The following PDILT variants were observed in gnomAD, a reference collection of about 807,000 sequenced individuals.
The protein encoded by PDILT is protein disulfide isomerase like, testis expressed, also known as protein disulfide-isomerase-like protein of the testis.
Under a neutral mutation model 53.7 loss-of-function variants are expected in PDILT, and 43 were observed. The observed-to-expected ratio is 0.80, with a 90% confidence interval of 0.63 to 1.03. The LOEUF is 1.03. Ranked by LOEUF, PDILT falls within the 50% of genes least tolerant of loss-of-function variation. PDILT has a pLI of 0.00. For missense variants in PDILT, 727 were observed against 712.3 expected (o/e 1.02, Z -0.24); for synonymous variants, 282 against 274.2 (o/e 1.03, Z -0.28).
intron 1 of PDILT, among the ~76,000 whole-genome samples, chr16:20,403,715 C>A (rs1415053940): frequency 6.6e-6 from 1 of 152,096 alleles, no homozygotes; most frequent in African/African-American, 2.4e-5. Flanking sequence ...CGCACACCAG[C>A]CAAACTGTTC....
intron 9 of PDILT, among the ~76,000 whole-genome samples, chr16:20,364,512 C>T (rs1966161221): frequency 6.6e-6 from 1 of 152,214 alleles, no homozygotes; most frequent in Non-Finnish European, 1.5e-5. Context: ...AACCACCATA[C>T]CTTCCTCACA....
chr16:20,392,210 C>T (rs1303040273), intron 2 of PDILT, among the ~76,000 whole-genome samples: 2 of 152,156 alleles, frequency 1.3e-5, no homozygotes, highest in Admixed American at 1.3e-4. Flanking sequence ...GAATCAAGAA[C>T]AACCTTGAGG....
intron 10 of PDILT, among the ~76,000 whole-genome samples, chr16:20,360,883 C>T (rs1242369790): frequency 6.6e-6 from 1 of 152,218 alleles, no homozygotes; most frequent in South Asian, 2.1e-4. Context: ...GACTGTAAAA[C>T]CACACAGCAA....
Position 20,392,999 on chromosome 16 carries a change from T to C in PDILT, c.202+6100A>G, listed in dbSNP as rs139714151. Among the ~76,000 whole-genome samples the C allele has an allele frequency of 4.3e-3, 656 of 152,340 alleles. 4 individuals are homozygous for C. The highest frequency in any genetic ancestry group is 0.014 in the Middle Eastern group (4 of 294). The stretch of plus-strand genomic sequence containing the variant: ...TGTGTTGAGGTGTGTTATGTGTTTG[T>C]GTAAATGTATGGCTCTAAGCCTTTT... On this transcript the variant is annotated intron_variant, in intron 2 of 11. Coordinates refer to ENST00000302451, the MANE Select transcript of PDILT (RefSeq NM_174924.2).
At chr16:20,398,780 T>A (rs776538370) in intron 2 of PDILT, among the ~76,000 whole-genome samples, 3 of 152,152 alleles carry the variant, frequency 2.0e-5, no homozygotes, top group African/African-American at 7.2e-5. Flanking sequence ...TTCACACCCA[T>A]TTTACAGAGG....
intron 3 of PDILT, among the ~76,000 whole-genome samples, chr16:20,381,418 T>C (rs1290541240): frequency 1.3e-5 from 2 of 151,960 alleles, no homozygotes; most frequent in Non-Finnish European, 2.9e-5. Context: ...AGGTGGATCA[T>C]GAAATCAAGA....
At chr16:20,375,997 C>T in intron 4 of PDILT, 71 bp downstream of exon 4, 1 of 1,576,498 alleles carries the variant, frequency 6.3e-7, no homozygotes, top group Non-Finnish European at 8.6e-7. Flanking sequence ...AGAGTCTCCT[C>T]ACACCACCCC....
At chr16:20,372,654 A>G (rs1222845885) in intron 7 of PDILT, 148 bp downstream of exon 7, 2 of 874,750 alleles carry the variant, frequency 2.3e-6, no homozygotes, top group African/African-American at 1.7e-5. Context: ...TGGCATTGAC[A>G]TGCAAATCAG....
intron 1 of PDILT, among the ~76,000 whole-genome samples, chr16:20,403,492 G>C (rs1215722048): frequency 6.6e-6 from 1 of 152,058 alleles, no homozygotes; most frequent in Non-Finnish European, 1.5e-5. Context: ...ATTTCACCAT[G>C]TTGGCCAGGC....
intron 3 of PDILT, among the ~76,000 whole-genome samples, chr16:20,383,286 C>T (rs957879282): frequency 3.3e-5 from 5 of 152,156 alleles, no homozygotes; most frequent in African/African-American, 1.2e-4. Flanking sequence ...TCATGGGCTC[C>T]GATGACCTAG....
chr16:20,379,634 T>G (rs542644971), intron 3 of PDILT, among the ~76,000 whole-genome samples: 3 of 152,324 alleles, frequency 2.0e-5, no homozygotes, highest in Non-Finnish European at 4.4e-5. Flanking sequence ...CTGAATGAAT[T>G]CTTGTGCATG....
In PDILT at chr16:20,371,766, A is replaced by C. The variant is rs145532429; in HGVS notation, c.918+1036T>G. 7.5e-3 allele frequency among the ~76,000 whole-genome samples: 1,146 copies of C among 152,318 alleles called. 16 individuals carry two copies. Among genetic ancestry groups the C allele is most frequent in the Admixed American group, 0.041 (629 of 15,294 alleles). The stretch of plus-strand genomic sequence containing the variant: ...AGCATTGACTACTGTAAAATAGGAG[A>C]AACAGAGAAAAAGCAATCAGGTTGC... On this transcript the variant is annotated intron_variant, in intron 7 of 11. Transcript: ENST00000302451.
chr16:20,395,871 C>T lies in PDILT; in HGVS notation c.202+3228G>A, dbSNP rs1371371404. Reference sequence around the variant, plus strand: ...ACACCAGCTCCCCCTTCACCTTCCACCATGAGTAGAAGCAGCTCGAACCTT... The same window carrying T: ...ACACCAGCTCCCCCTTCACCTTCCATCATGAGTAGAAGCAGCTCGAACCTT... On this transcript the variant is annotated intron_variant, in intron 2 of 11. Transcript: ENST00000302451. Among the ~76,000 whole-genome samples, 5 of 152,344 alleles carry T rather than the reference C, an allele frequency of 3.3e-5. No individual in the cohort carries two copies. The East Asian group carries it at 9.7e-4, about 29-fold the overall frequency.
intron 7 of PDILT, among the ~76,000 whole-genome samples, chr16:20,370,290 G>A (rs1482876276): frequency 6.6e-6 from 1 of 152,136 alleles, no homozygotes; most frequent in Non-Finnish European, 1.5e-5. Context: ...GAGAAGACAG[G>A]CAACAAATGA....
chr16:20,372,941 G>A lies in PDILT; in HGVS notation c.793-14C>T. ...CAGATCCTTATTCTGAAATGACCAG[G>A]AAAATATGTCATCCCAAGCACACAC... On this transcript the variant is annotated splice_polypyrimidine_tract_variant and intron_variant, in intron 6 of 11. Coordinates refer to ENST00000302451, the MANE Select transcript of PDILT (RefSeq NM_174924.2). The A allele has an allele frequency of 6.2e-7, 1 of 1,613,948 alleles. No homozygotes were observed. Among genetic ancestry groups the A allele is most frequent in the Non-Finnish European group, 8.5e-7 (1 of 1,179,884 alleles).
rs1966380163 is a variant in PDILT at position 20,375,998 on chromosome 16, A to G, written c.543+70T>C. ...GCAATCAAAACGGAAGAGTCTCCTC[A>G]CACCACCCCCTCCCAGACACAGCAC... On this transcript the variant is annotated intron_variant, in intron 4 of 11. Transcript: ENST00000302451. 5.1e-6 allele frequency: 8 copies of G among 1,577,758 alleles called. No individual in the cohort carries two copies. In the Admixed American group the frequency reaches 5.5e-5, roughly 11 times the overall value.
intron 2 of PDILT, among the ~76,000 whole-genome samples, chr16:20,390,088 G>A (rs900379957): frequency 2.6e-5 from 4 of 152,082 alleles, no homozygotes; most frequent in Non-Finnish European, 4.4e-5. Flanking sequence ...TTCTGATCAA[G>A]CATGAAAAAA....
chr16:20,376,607 G>A (rs1167314202), intron 3 of PDILT, among the ~76,000 whole-genome samples: 1 of 152,168 alleles, frequency 6.6e-6, no homozygotes, highest in Non-Finnish European at 1.5e-5. Context: ...ACTCTCCAAG[G>A]TGACAGGAAG....
At chr16:20,381,397 G>C (rs1966459066) in intron 3 of PDILT, among the ~76,000 whole-genome samples, 1 of 152,122 alleles carries the variant, frequency 6.6e-6, no homozygotes, top group African/African-American at 2.4e-5. Context: ...AGCACTTTGG[G>C]AGGCCGAGAC....
Sources: gnomAD v4.1 joint callset for allele counts (sites outside exome capture counted in the v4.1 genomes callset) on GRCh38, gnomAD v4.1.1 for gene constraint, MANE v1.5 for transcripts, NCBI Gene and HGNC (gene_info 2026-07-23, HGNC 2026-07-21) for gene names.